The following VMA21 variants were observed in gnomAD, a reference collection of about 807,000 sequenced individuals.
VMA21 encodes the protein vacuolar ATPase assembly integral membrane protein VMA21.
For synonymous variants in VMA21, 47 were observed against 34.1 expected, an observed-to-expected ratio of 1.38 and a Z score of -1.32; for missense variants, 61 against 80.6, an observed-to-expected ratio of 0.76 and a Z score of 0.93.
Position 151,407,676 on chromosome X carries a change from G to T in VMA21, c.*2618G>T, listed in dbSNP as rs992577211. On this transcript the variant is annotated 3_prime_UTR_variant, in exon 3 of 3. Coordinates refer to ENST00000330374, the MANE Select transcript of VMA21 (RefSeq NM_001017980.4). ...CTCCTGTTTGGCCCTGGAGAATGTA[G>T]TCCTTTTTCTCATTTGTGTTGAGAA... 11 of 111,609 alleles carry T rather than the reference G, an allele frequency of 9.9e-5. No individual in the cohort carries two copies. Among genetic ancestry groups the T allele is most frequent in the African/African-American group, 3.6e-4 (11 of 30,626 alleles). 9.2% of individuals were successfully genotyped at this position (111,609 alleles called of 1,213,427 possible).
At chrX:151,396,862 C>T (rs1282316742), upstream of VMA21, 3 of 524,209 alleles carry the variant, frequency 5.7e-6, no homozygotes, top group Non-Finnish European at 1.0e-5. Flanking sequence ...CCTTGCGGCC[C>T]CCAGCTCAGC....
rs1029458335 is a variant in VMA21, at chrX:151,397,320, G to A, written c.12G>A (p.Pro4=). 4 of 1,160,983 alleles carry A rather than the reference G, an allele frequency of 3.4e-6. No homozygotes were observed. The highest frequency in any genetic ancestry group is 1.8e-5 in the African/African-American group (1 of 56,178). Residue 4 remains proline (P), a synonymous_variant, in exon 1 of 3, where the codon CCG becomes CCA. Transcript: ENST00000330374. MER[P]DKAALNALQP... ...GGCACGGCTACACCATGGAGCGCCC[G>A]GATAAGGCGGCGCTGAACGCACTGC... is the stretch of plus-strand genomic sequence containing the variant.
intron 1 of VMA21, among the ~76,000 whole-genome samples, chrX:151,398,405 G>A (rs1051250247): frequency 3.6e-5 from 3 of 83,232 alleles, no homozygotes; most frequent in African/African-American, 1.1e-4. Flanking sequence ...GTGTCCATCT[G>A]TTCTTGTTGT....
In VMA21 at chrX:151,404,976, C is replaced by T. The variant is rs2011274144; in HGVS notation, c.224C>T (p.Ala75Val). ...TACGCTGCTATTGTTGCAGTGGTCG[C>T]CGTCCATGTGGTGCTGGCCCTCTTT... ...YFYAAIVAVV[A>V]VHVVLALFVY... Residue 75 changes from alanine to valine, a missense_variant, in exon 3 of 3, where the codon GCC becomes GTC. Physicochemically the swap from Ala to Val is moderately conservative, Grantham distance 64. Transcript: ENST00000330374. 1 of 1,208,297 alleles carries T rather than the reference C, an allele frequency of 8.3e-7. No homozygotes were observed. Among genetic ancestry groups the T allele is most frequent in the African/African-American group, 1.8e-5 (1 of 56,717 alleles).
chrX:151,400,552 T>C (rs2011229935), intron 1 of VMA21, among the ~76,000 whole-genome samples: 1 of 112,227 alleles, frequency 8.9e-6, no homozygotes, highest in Admixed American at 9.5e-5. Context: ...TGATTTCATC[T>C]CCTTTGCTTA....
chrX:151,406,319 A>G lies in VMA21; in HGVS notation c.*1261A>G, dbSNP rs1254781471. ...ATTCTGCCAGCTTTTCCTGACAGCT[A>G]TTTGCATTTTTTTCAGATGAGTGAT... On this transcript the variant is annotated 3_prime_UTR_variant, in exon 3 of 3. Coordinates refer to ENST00000330374, the MANE Select transcript of VMA21 (RefSeq NM_001017980.4). 2 of 111,567 alleles carry G rather than the reference A, an allele frequency of 1.8e-5. No individual in the cohort carries two copies. The highest frequency in any genetic ancestry group is 3.8e-5 in the Non-Finnish European group (2 of 53,093). The allele number at this position is 111,567 out of a possible 1,213,427, so 9.2% of individuals were successfully genotyped here. A position where few individuals can be genotyped will look rare whatever the true frequency, so the allele number is the denominator to read the frequency against.
At chrX:151,397,511 C>G in intron 1 of VMA21, 150 bp downstream of exon 1, 1 of 660,336 alleles carries the variant, frequency 1.5e-6, no homozygotes, top group Non-Finnish European at 2.2e-6. Flanking sequence ...AGGTTGGAGC[C>G]TGAGACGTCT....
At position 151,407,583 on chromosome X, in the gene VMA21, T is replaced by C. The variant is rs1280231460; in HGVS notation, c.*2525T>C. On this transcript the variant is annotated 3_prime_UTR_variant, in exon 3 of 3. Transcript: ENST00000330374. ...TGTAAGAATAACCTCAGTTAGGAGA[T>C]ATAACTTGAAGTGTCAGTCCAAACT... 8.9e-6 allele frequency: 1 copy of C among 112,457 alleles called. No individual in the cohort carries two copies. The highest frequency in any genetic ancestry group is 1.9e-5 in the Non-Finnish European group (1 of 53,247). The allele number at this position is 112,457 out of a possible 1,213,427, so 9.3% of individuals were successfully genotyped here.
chrX:151,398,178 T>A (rs2011208806), intron 1 of VMA21, among the ~76,000 whole-genome samples: 1 of 94,290 alleles, frequency 1.1e-5, no homozygotes, highest in South Asian at 4.6e-4. Flanking sequence ...AGGGTCATTG[T>A]GAGTTTTTTT....
At chrX:151,396,653 T>C (rs2011191132), upstream of VMA21, 1 of 374,470 alleles carries the variant, frequency 2.7e-6, no homozygotes, top group Non-Finnish European at 4.7e-6. Context: ...CTCGGGTGAG[T>C]GTTTTAACTC....
Position 151,408,447 on chromosome X carries a change from TG to T in VMA21, c.*3390del, listed in dbSNP as rs2011318510. The T allele has an allele frequency of 8.9e-6, 1 of 112,203 alleles. No homozygotes were observed. Among genetic ancestry groups the T allele is most frequent in the Admixed American group, 9.4e-5 (1 of 10,615 alleles). The allele number at this position is 112,203 out of a possible 1,213,427, so 9.2% of individuals were successfully genotyped here. On this transcript the variant is annotated 3_prime_UTR_variant, in exon 3 of 3. Coordinates refer to ENST00000330374, the MANE Select transcript of VMA21 (RefSeq NM_001017980.4). ...TATTTCTTATCTCTAGACAAGTTCA[TG>T]TTTATTGTTTAATTTATGCCCAAGT...
rs1199716052 is a variant in VMA21, at chrX:151,408,178, C to T, written c.*3120C>T. The T allele has an allele frequency of 9.0e-6, 1 of 111,519 alleles. No homozygotes were observed. The highest frequency in any genetic ancestry group is 1.9e-5 in the Non-Finnish European group (1 of 53,145). 9.2% of individuals were successfully genotyped at this position (111,519 alleles called of 1,213,427 possible). A position where few individuals can be genotyped will look rare whatever the true frequency, so the allele number is the denominator to read the frequency against. On this transcript the variant is annotated 3_prime_UTR_variant, in exon 3 of 3. Coordinates refer to ENST00000330374, the MANE Select transcript of VMA21 (RefSeq NM_001017980.4). ...AAGTGCTGGGATTACAGGTATCAGC[C>T]ACCGTGCCTGGCCTAATAATTGGAA...
Position 151,408,778 on chromosome X carries a change from TTATA to T in VMA21, c.*3724_*3727del, listed in dbSNP as rs1569367862. 3 of 112,767 alleles carry T rather than the reference TTATA, an allele frequency of 2.7e-5. No homozygotes were observed. The highest frequency in any genetic ancestry group is 5.6e-5 in the Non-Finnish European group (3 of 53,308). 9.3% of individuals were successfully genotyped at this position (112,767 alleles called of 1,213,427 possible). On this transcript the variant is annotated 3_prime_UTR_variant, in exon 3 of 3. Coordinates refer to ENST00000330374, the MANE Select transcript of VMA21 (RefSeq NM_001017980.4). ...CATAATCTATGAATAGCTTAATCCT[TTATA>T]TATTCCTTAAAATAGGAATTCCTCG...
chrX:151,397,289 T>C lies in VMA21; in HGVS notation c.-20T>C. 1 of 1,155,660 alleles carries C rather than the reference T, an allele frequency of 8.7e-7. No homozygotes were observed. The highest frequency in any genetic ancestry group is 1.8e-5 in the African/African-American group (1 of 56,277). On this transcript the variant is annotated 5_prime_UTR_variant, in exon 1 of 3. Coordinates refer to ENST00000330374, the MANE Select transcript of VMA21 (RefSeq NM_001017980.4). ...GAGCCCAGCTCCGCCGCCGAGCGCC[T>C]GTGCCGGCACGGCTACACCATGGAG...
rs753579026 is a variant in VMA21 at position 151,408,958 on chromosome X, G to A, written c.*3900G>A. 8.9e-6 allele frequency: 1 copy of A among 112,694 alleles called. No homozygotes were observed. The highest frequency in any genetic ancestry group is 9.4e-5 in the Admixed American group (1 of 10,654). 9.3% of individuals were successfully genotyped at this position (112,694 alleles called of 1,213,427 possible). The stretch of plus-strand genomic sequence containing the variant: ...TCCCCACGTTCAGTGTAATCTCACT[G>A]AACAGTAATAATAGCAATAGCTAAC... On this transcript the variant is annotated 3_prime_UTR_variant, in exon 3 of 3. Coordinates refer to ENST00000330374, the MANE Select transcript of VMA21 (RefSeq NM_001017980.4).
In VMA21 at chrX:151,405,273, T is replaced by TA. The variant is rs202068639; in HGVS notation, c.*216dup. The TA allele has an allele frequency of 2.5e-6, 1 of 395,589 alleles. No individual in the cohort carries two copies. Among genetic ancestry groups the TA allele is most frequent in the Non-Finnish European group, 4.3e-6 (1 of 232,821 alleles). The allele number at this position is 395,589 out of a possible 1,213,427, so 32.6% of individuals were successfully genotyped here. On this transcript the variant is annotated 3_prime_UTR_variant, in exon 3 of 3. Transcript: ENST00000330374. ...TTTGCAAATGAGAATTTGGAAAAGT[T>TA]AGTTACAAAGAAATATGTTAATTTA...
At chrX:151,396,904 G>A, upstream of VMA21, 1 of 524,571 alleles carries the variant, frequency 1.9e-6, no homozygotes. Flanking sequence ...CAGTGTTCAC[G>A]CGAGTTCAGG....
chrX:151,397,477 C>G (rs935169289), intron 1 of VMA21, 116 bp downstream of exon 1: 1 of 870,800 alleles, frequency 1.1e-6, no homozygotes, highest in Admixed American at 3.0e-5. Context: ...GGGACCTGGC[C>G]TCAGGGAAGG....
chrX:151,398,881 A>G (rs1449435279), intron 1 of VMA21, among the ~76,000 whole-genome samples: 1 of 112,530 alleles, frequency 8.9e-6, no homozygotes, highest in Non-Finnish European at 1.9e-5. Flanking sequence ...TTGTGTGAGG[A>G]CAACTTTAAT....
Sources: gnomAD v4.1 joint callset for allele counts (sites outside exome capture counted in the v4.1 genomes callset) on GRCh38, gnomAD v4.1.1 for gene constraint, MANE v1.5 for transcripts, NCBI Gene and HGNC (gene_info 2026-07-23, HGNC 2026-07-21) for gene names.